Variants in CCNY observed in about 807,000 individuals in gnomAD.
The protein encoded by CCNY is cyclin-Y.
Under a neutral mutation model 42.8 loss-of-function variants are expected in CCNY, and 19 were observed. The observed-to-expected ratio is 0.44, with a 90% CI of 0.31 to 0.65. CCNY has a LOEUF of 0.65. Among genes scored for constraint, CCNY ranks in the 30% least tolerant of loss-of-function variants. CCNY has a pLI of 0.07. For synonymous variants in CCNY, 165 were observed against 162.7 expected, an observed-to-expected ratio of 1.01 and a Z score of -0.11; for missense variants, 370 against 437.3, an observed-to-expected ratio of 0.85 and a Z score of 1.37.
intron 1 of CCNY, among the ~76,000 whole-genome samples, chr10:35,411,425 A>G (rs771403667): frequency 3.4e-5 from 5 of 147,712 alleles, no homozygotes; most frequent in Non-Finnish European, 5.9e-5. Context: ...CCTGAGGAAG[A>G]ATTGCTTGAA....
chr10:35,348,368 C>T (rs891110792), intron 1 of CCNY, among the ~76,000 whole-genome samples: 19 of 152,316 alleles, frequency 1.2e-4, no homozygotes, highest in African/African-American at 4.3e-4. Context: ...GGCATAACCA[C>T]GGAGGGGTCC....
At chr10:35,524,795 G>GT (rs967231449) in intron 4 of CCNY, among the ~76,000 whole-genome samples, 1 of 152,130 alleles carries the variant, frequency 6.6e-6, no homozygotes, top group South Asian at 2.1e-4. Context: ...TTGTTTGCTT[G>GT]TTTTTTTACC....
intron 3 of CCNY, among the ~76,000 whole-genome samples, chr10:35,269,767 T>C (rs990649877): frequency 2.0e-5 from 3 of 151,796 alleles, no homozygotes; most frequent in African/African-American, 7.3e-5. Context: ...GTAGCTGGGA[T>C]TACAGGTGCC....
intron 7 of CCNY, among the ~76,000 whole-genome samples, chr10:35,538,476 C>T (rs1197299245): frequency 6.6e-6 from 1 of 152,148 alleles, no homozygotes; most frequent in Non-Finnish European, 1.5e-5. Flanking sequence ...CTTATCAATG[C>T]TTGTTAGTGT....
At chr10:35,347,520 A>G (rs936872878) in intron 1 of CCNY, 9 of 670,886 alleles carry the variant, frequency 1.3e-5, no homozygotes, top group Non-Finnish European at 1.5e-5. Context: ...ACAACATTTT[A>G]TAAGCAAGTT....
intron 1 of CCNY, among the ~76,000 whole-genome samples, chr10:35,390,834 G>A (rs1431283955): frequency 6.6e-6 from 1 of 152,202 alleles, no homozygotes; most frequent in Non-Finnish European, 1.5e-5. Context: ...ACATGTAAAT[G>A]CTCAAGATAC....
intron 1 of CCNY, among the ~76,000 whole-genome samples, chr10:35,381,359 AGACCAGCCGGGCCAACATGGT>A (rs1373184592): frequency 1.3e-5 from 2 of 152,074 alleles, no homozygotes; most frequent in Non-Finnish European, 2.9e-5. Flanking sequence ...CAGGAATTTG[AGACCAGCCGGGCCAACATGGT>A]GAAACCCCGT....
At chr10:35,318,676 A>G (rs918702577) in intron 3 of CCNY, among the ~76,000 whole-genome samples, 3 of 151,810 alleles carry the variant, frequency 2.0e-5, no homozygotes, top group Admixed American at 6.6e-5. Context: ...TTTTGTTTCT[A>G]TGGAAGGATC....
intron 1 of CCNY, among the ~76,000 whole-genome samples, chr10:35,350,064 A>C (rs966583573): frequency 6.6e-6 from 1 of 152,158 alleles, no homozygotes. Flanking sequence ...AGCTTTGCAA[A>C]GGGCTGCGTT....
At chr10:35,351,604 A>C (rs148626225) in intron 1 of CCNY, among the ~76,000 whole-genome samples, 172 of 152,360 alleles carry the variant, frequency 1.1e-3, no homozygotes, top group African/African-American at 3.7e-3. Context: ...TACTACTTAC[A>C]TAGTGGGTGC....
chr10:35,399,581 G>A (rs1312496191), intron 1 of CCNY, among the ~76,000 whole-genome samples: 4 of 152,198 alleles, frequency 2.6e-5, no homozygotes, highest in African/African-American at 9.7e-5. Context: ...GGTGTTTCAC[G>A]CTGTTAATCC....
At chr10:35,374,279 A>G (rs888702661) in intron 1 of CCNY, among the ~76,000 whole-genome samples, 1 of 152,242 alleles carries the variant, frequency 6.6e-6, no homozygotes, top group Non-Finnish European at 1.5e-5. Flanking sequence ...TTTTTTTATT[A>G]ATTTTTAATA....
rs139356624 is a variant in CCNY, at chr10:35,305,893, G to T, written c.-9+55267G>T. On this transcript the variant is annotated intron_variant, in intron 3 of 11. Transcript: ENST00000374706. ...TTGTAAGACTTCACAGATATGCTTG[G>T]GATCATTAGAGTGGGTTTCATTTCT... Among the ~76,000 whole-genome samples, 67 of 152,184 alleles carry T rather than the reference G, an allele frequency of 4.4e-4. 1 individual carries two copies. In the East Asian group the frequency reaches 0.011, roughly 25 times the overall value.
At chr10:35,536,634 T>C (rs909833714) in intron 7 of CCNY, among the ~76,000 whole-genome samples, 1 of 152,182 alleles carries the variant, frequency 6.6e-6, no homozygotes, top group Non-Finnish European at 1.5e-5. Context: ...TGTTGGGAAC[T>C]GGAGCAAAGG....
At chr10:35,451,868 A>T (rs1047467946) in intron 1 of CCNY, among the ~76,000 whole-genome samples, 7 of 152,198 alleles carry the variant, frequency 4.6e-5, no homozygotes, top group Non-Finnish European at 1.0e-4. Flanking sequence ...GCTGTCACCC[A>T]GGCGAGCCAC....
At chr10:35,464,914 A>G (rs1225706596) in intron 1 of CCNY, among the ~76,000 whole-genome samples, 1 of 152,232 alleles carries the variant, frequency 6.6e-6, no homozygotes, top group African/African-American at 2.4e-5. Context: ...AGCAGATTTC[A>G]TAAATATTGC....
chr10:35,491,503 G>T (rs1274821447), intron 2 of CCNY, among the ~76,000 whole-genome samples: 1 of 152,198 alleles, frequency 6.6e-6, no homozygotes, highest in Non-Finnish European at 1.5e-5. Context: ...GTTTTCTGCC[G>T]CCTGGTAGAC....
At chr10:35,549,141 CGAAGAGGCAGA>C (rs1343463053) in intron 7 of CCNY, among the ~76,000 whole-genome samples, 3 of 135,214 alleles carry the variant, frequency 2.2e-5, no homozygotes, top group Non-Finnish European at 4.7e-5. Context: ...CCCCTTCTCT[CGAAGAGGCAGA>C]GAAGAGTCTG....
At chr10:35,396,114 G>A (rs949663119) in intron 1 of CCNY, among the ~76,000 whole-genome samples, 17 of 152,174 alleles carry the variant, frequency 1.1e-4, no homozygotes, top group Admixed American at 6.5e-5. Context: ...ATGGCGTTTT[G>A]CACATAGCAG....
Sources: gnomAD v4.1 joint callset for allele counts (sites outside exome capture counted in the v4.1 genomes callset) on GRCh38, gnomAD v4.1.1 for gene constraint, MANE v1.5 for transcripts, NCBI Gene and HGNC (gene_info 2026-07-23, HGNC 2026-07-21) for gene names.